The following CRISP1 variants were observed in gnomAD, a reference collection of about 807,000 sequenced individuals.
CRISP1 encodes the protein cysteine rich secretory protein 1, also known as cysteine-rich secretory protein 1.
CRISP1 carries 44 observed loss-of-function variants against 33.1 expected under a neutral mutation model. The observed-to-expected ratio is 1.33, with a 90% CI of 1.05 to 1.71. The LOEUF (loss-of-function observed/expected upper bound fraction) is 1.71. CRISP1 is among the 40% of genes most tolerant of loss of function. CRISP1 has a pLI of 0.00. For missense variants in CRISP1, 390 were observed against 301.2 expected (o/e 1.29, Z -2.18); for synonymous variants, 103 against 98.7 (o/e 1.04, Z -0.26).
At chr6:49,861,134 T>G (rs531272532) in intron 1 of CRISP1, among the ~76,000 whole-genome samples, 10 of 152,170 alleles carry the variant, frequency 6.6e-5, no homozygotes, top group African/African-American at 2.4e-4. Context: ...CAGGATCAGA[T>G]GATTTCACTG....
chr6:49,846,406 T>C (rs1771169144), intron 5 of CRISP1, 114 bp downstream of exon 5: 2 of 1,085,978 alleles, frequency 1.8e-6, no homozygotes, highest in Non-Finnish European at 2.7e-6. Flanking sequence ...ACTCAGTAAA[T>C]TGAGTAAAGA....
Position 49,834,454 on chromosome 6 carries a change from T to C in CRISP1, c.*862A>G, listed in dbSNP as rs1336515253. On this transcript the variant is annotated 3_prime_UTR_variant, in exon 8 of 8. Transcript: ENST00000335847. ...TGGCCTTAACTGTGCTCTTCCATTG[T>C]GTTGAAATAATCATAACCTTTGCAA... 6.6e-6 allele frequency: 1 copy of C among 152,180 alleles called. No homozygotes were observed. The highest frequency in any genetic ancestry group is 1.5e-5 in the Non-Finnish European group (1 of 68,020). The allele number at this position is 152,180 out of a possible 1,614,324, so 9.4% of individuals were successfully genotyped here. A position where few individuals can be genotyped will look rare whatever the true frequency, so the allele number is the denominator to read the frequency against.
rs539961786 is a variant in CRISP1 at position 49,855,767 on chromosome 6, C to G, written c.66+1568G>C. 1.3e-5 allele frequency among the ~76,000 whole-genome samples: 2 copies of G among 152,256 alleles called. 1 individual carries two copies. The highest frequency in any genetic ancestry group is 4.2e-4 in the South Asian group (2 of 4,816). On this transcript the variant is annotated intron_variant, in intron 2 of 7. Transcript: ENST00000335847. ...CCTAATATCCCAAAAAACACTGCCA[C>G]TGGTGGAAGTTTAAAATATGATTCA...
At chr6:49,864,197 C>T (rs1187272162) in intron 1 of CRISP1, among the ~76,000 whole-genome samples, 3 of 152,098 alleles carry the variant, frequency 2.0e-5, no homozygotes, top group African/African-American at 4.8e-5. Context: ...TGAGATTCAA[C>T]CACGTTGCAT....
At chr6:49,872,872 T>G (rs1771957395) in intron 1 of CRISP1, among the ~76,000 whole-genome samples, 2 of 152,188 alleles carry the variant, frequency 1.3e-5, no homozygotes, top group South Asian at 2.1e-4. Context: ...TAGGATTGGC[T>G]TGGCAATGCA....
intron 6 of CRISP1, among the ~76,000 whole-genome samples, chr6:49,839,307 T>G (rs1770909322): frequency 7.0e-6 from 1 of 143,280 alleles, no homozygotes; most frequent in Admixed American, 7.0e-5. Flanking sequence ...AAAAATTAGT[T>G]AGGCCTGGTG....
intron 7 of CRISP1, 64 bp from the exon 8 acceptor site, chr6:49,835,507 G>C (rs1450789078): frequency 6.6e-7 from 1 of 1,518,512 alleles, no homozygotes; most frequent in Non-Finnish European, 8.9e-7. Flanking sequence ...TGAGGAAAGA[G>C]ACCATCTTAT....
intron 1 of CRISP1, among the ~76,000 whole-genome samples, chr6:49,875,263 A>AC: frequency 6.6e-6 from 1 of 152,102 alleles, no homozygotes; most frequent in South Asian, 2.1e-4. Flanking sequence ...ATTCCTATAT[A>AC]CCAACAAGAG....
chr6:49,836,784 G>A (rs889846144), intron 7 of CRISP1, among the ~76,000 whole-genome samples: 4 of 152,064 alleles, frequency 2.6e-5, no homozygotes, highest in Non-Finnish European at 2.9e-5. Flanking sequence ...ATTTATCAAG[G>A]TGCAACAAGG....
intron 6 of CRISP1, among the ~76,000 whole-genome samples, chr6:49,839,839 T>C (rs913495488): frequency 6.6e-6 from 1 of 152,218 alleles, no homozygotes; most frequent in African/African-American, 2.4e-5. Context: ...TATATATAAC[T>C]CATATAGAGT....
chr6:49,874,006 A>G (rs1228611867), intron 1 of CRISP1, among the ~76,000 whole-genome samples: 1 of 152,020 alleles, frequency 6.6e-6, no homozygotes, highest in Non-Finnish European at 1.5e-5. Context: ...TGATTTTCTT[A>G]TTTTTAAATA....
At chr6:49,861,425 G>T (rs1349091576) in intron 1 of CRISP1, among the ~76,000 whole-genome samples, 1 of 152,004 alleles carries the variant, frequency 6.6e-6, no homozygotes, top group East Asian at 1.9e-4. Context: ...TTTATAGCAG[G>T]GATGCAAGGA....
chr6:49,867,403 C>A (rs546549614), upstream of CRISP1, among the ~76,000 whole-genome samples: 2 of 151,904 alleles, frequency 1.3e-5, no homozygotes, highest in African/African-American at 4.8e-5. Flanking sequence ...TGAATTAAGT[C>A]TTTGTTCTTT....
In CRISP1 at chr6:49,857,495, A is replaced by AT. The variant is rs1771529251; in HGVS notation, c.-2-94dup. 3.4e-5 allele frequency: 42 copies of AT among 1,223,170 alleles called. 1 individual carries two copies. Among genetic ancestry groups the AT allele is most frequent in the South Asian group, 8.0e-5 (6 of 74,746 alleles). The allele number at this position is 1,223,170 out of a possible 1,614,324, so 75.8% of individuals were successfully genotyped here. On this transcript the variant is annotated intron_variant, in intron 1 of 7. Transcript: ENST00000335847. ...TTAAACCACTTTTACATGTGTTTGC[A>AT]TTTTTTTTCCTAAAAGAAACCTTTA...
chr6:49,854,375 A>G (rs1582273585), intron 2 of CRISP1, among the ~76,000 whole-genome samples: 1 of 151,952 alleles, frequency 6.6e-6, no homozygotes, highest in East Asian at 1.9e-4. Flanking sequence ...TGCAGCTTAT[A>G]TCTCTTTTTT....
At chr6:49,848,173 T>TC in intron 4 of CRISP1, 36 bp downstream of exon 4, 1 of 1,204,494 alleles carries the variant, frequency 8.3e-7, no homozygotes, top group Non-Finnish European at 1.2e-6. Flanking sequence ...TTTTTTTTTT[T>TC]TAGTCCAAAG....
chr6:49,854,652 T>A (rs1771443561), intron 2 of CRISP1, among the ~76,000 whole-genome samples: 1 of 152,232 alleles, frequency 6.6e-6, no homozygotes, highest in African/African-American at 2.4e-5. Context: ...CTGGAAAATA[T>A]CGCCAACTCT....
At chr6:49,854,157 G>C (rs189473149) in intron 2 of CRISP1, among the ~76,000 whole-genome samples, 1 of 152,128 alleles carries the variant, frequency 6.6e-6, no homozygotes, top group Non-Finnish European at 1.5e-5. Context: ...CAATCTACCT[G>C]TATCTGTCCC....
At chr6:49,865,368 G>A (rs577896860) in intron 1 of CRISP1, among the ~76,000 whole-genome samples, 4 of 152,276 alleles carry the variant, frequency 2.6e-5, no homozygotes, top group South Asian at 2.1e-4. Flanking sequence ...AGATTTAAAT[G>A]TGAGTACCAT....
Sources: gnomAD v4.1 joint callset for allele counts (sites outside exome capture counted in the v4.1 genomes callset) on GRCh38, gnomAD v4.1.1 for gene constraint, MANE v1.5 for transcripts, NCBI Gene and HGNC (gene_info 2026-07-23, HGNC 2026-07-21) for gene names.